CEP128: variants seen among roughly 807,000 people sequenced by gnomAD.
The protein encoded by CEP128 is centrosomal protein 128.
CEP128 carries 132 observed loss-of-function variants against 156.7 expected under a neutral mutation model. The ratio of observed to expected loss-of-function variants is 0.84; its 90% CI spans 0.73 to 0.97. CEP128 has a LOEUF of 0.97. CEP128 is among the 50% of genes least tolerant of loss of function. The pLI, the probability that CEP128 is intolerant of heterozygous loss-of-function variation, is 0.00. For missense variants in CEP128, 1,252 were observed against 1,281.9 expected, an observed-to-expected ratio of 0.98 and a Z score of 0.36; for synonymous variants, 469 against 448.9, an observed-to-expected ratio of 1.04 and a Z score of -0.57.
At position 80,611,546 on chromosome 14, in the gene CEP128, G is replaced by T. The variant is rs184559177; in HGVS notation, c.2807-31123C>A. Among the ~76,000 whole-genome samples the T allele has an allele frequency of 1.2e-3, 185 of 152,174 alleles. 4 individuals are homozygous for T. The Middle Eastern group carries it at 0.024, about 20-fold the overall frequency. ...TATTTGAAAGTAAAAGAGATGAAAA[G>T]GATAGGAGGGAACTCTAGAGAGTAT... On this transcript the variant is annotated intron_variant, in intron 19 of 24. Transcript: ENST00000555265.
chr14:80,655,891 GTTTGT>G (rs898233649), intron 19 of CEP128, among the ~76,000 whole-genome samples: 3 of 151,966 alleles, frequency 2.0e-5, no homozygotes, highest in East Asian at 1.9e-4. Flanking sequence ...TCCTTTTTTT[GTTTGT>G]TTTGTTTTGT....
rs186188127 is a variant in CEP128, at chr14:80,512,268, A to G, written c.3073-7248T>C. Among the ~76,000 whole-genome samples the G allele has an allele frequency of 6.6e-5, 10 of 152,080 alleles. No homozygotes were observed. The East Asian group carries it at 1.7e-3, about 26-fold the overall frequency. ...CTGGGTAATCCAGTGTTGGGTGCAT[A>G]TATTTTTACAATTGTTATATCCTCT... On this transcript the variant is annotated intron_variant, in intron 23 of 24. Coordinates refer to ENST00000555265, the MANE Select transcript of CEP128 (RefSeq NM_152446.5).
chr14:80,511,178 G>T (rs1482982600), intron 23 of CEP128, among the ~76,000 whole-genome samples: 16 of 151,702 alleles, frequency 1.1e-4, no homozygotes, highest in Admixed American at 1.1e-3. Context: ...GGTTGAGTAA[G>T]ATTGGTATTA....
chr14:80,539,186 A>T (rs1178051849), intron 21 of CEP128, among the ~76,000 whole-genome samples: 1 of 152,210 alleles, frequency 6.6e-6, no homozygotes, highest in Non-Finnish European at 1.5e-5. Context: ...AGAAACTAAC[A>T]TGTTCATAAA....
At chr14:80,670,639 G>A (rs1313562106) in intron 19 of CEP128, among the ~76,000 whole-genome samples, 1 of 152,034 alleles carries the variant, frequency 6.6e-6, no homozygotes, top group Admixed American at 6.6e-5. Context: ...ATAGTGTGAG[G>A]GGGGTGAGAG....
intron 6 of CEP128, among the ~76,000 whole-genome samples, chr14:80,901,054 A>C (rs1000192997): frequency 2.6e-5 from 4 of 151,950 alleles, no homozygotes; most frequent in Non-Finnish European, 4.4e-5. Flanking sequence ...AAAATACAAA[A>C]AATTAGCCGG....
At chr14:80,652,525 G>T (rs1894952167) in intron 19 of CEP128, among the ~76,000 whole-genome samples, 1 of 152,030 alleles carries the variant, frequency 6.6e-6, no homozygotes, top group Non-Finnish European at 1.5e-5. Flanking sequence ...CAAAAAGTGG[G>T]CAAAGGATAT....
chr14:80,880,196 A>T (rs1320237735), intron 8 of CEP128, among the ~76,000 whole-genome samples: 1 of 152,196 alleles, frequency 6.6e-6, no homozygotes, highest in Non-Finnish European at 1.5e-5. Flanking sequence ...GATGTCATAC[A>T]TCATATTAAC....
At chr14:80,846,525 G>C (rs1886609936) in intron 9 of CEP128, among the ~76,000 whole-genome samples, 1 of 152,086 alleles carries the variant, frequency 6.6e-6, no homozygotes, top group African/African-American at 2.4e-5. Flanking sequence ...TAAGCAAATT[G>C]ATCAACCCCG....
intron 13 of CEP128, among the ~76,000 whole-genome samples, chr14:80,825,048 G>A (rs1271026986): frequency 1.3e-5 from 2 of 152,232 alleles, no homozygotes; most frequent in African/African-American, 4.8e-5. Context: ...AGAGAAGAGA[G>A]CTTGTGCAGG....
At chr14:80,823,554 C>T (rs1885305208) in intron 13 of CEP128, among the ~76,000 whole-genome samples, 1 of 151,858 alleles carries the variant, frequency 6.6e-6, no homozygotes, top group Admixed American at 6.6e-5. Context: ...CCTGAAATAC[C>T]ATGATTGTTT....
chr14:80,874,497 G>A (rs1888183935), intron 8 of CEP128, among the ~76,000 whole-genome samples: 1 of 151,736 alleles, frequency 6.6e-6, no homozygotes, highest in Admixed American at 6.6e-5. Flanking sequence ...AAAGGAAAGA[G>A]CAAACATAGT....
intron 6 of CEP128, among the ~76,000 whole-genome samples, chr14:80,900,812 A>T (rs1273612617): frequency 6.8e-6 from 1 of 146,948 alleles, no homozygotes; most frequent in East Asian, 1.9e-4. Context: ...GGTAGTAAAA[A>T]TTAAAAAAGT....
chr14:80,946,656 A>G (rs964170665), upstream of CEP128, among the ~76,000 whole-genome samples: 2 of 152,208 alleles, frequency 1.3e-5, no homozygotes, highest in South Asian at 2.1e-4. Context: ...GAATGAATAA[A>G]TGTAGAGAAG....
intron 19 of CEP128, among the ~76,000 whole-genome samples, chr14:80,740,500 A>AGATAGATAGAT (rs1421591239): frequency 0.017 from 1,480 of 87,892 alleles, 24 homozygotes; most frequent in African/African-American, 0.057. Context: ...ATATCTAGAT[A>AGATAGATAGAT]GATAGATAGA....
At chr14:80,579,284 A>ATAG (rs1211065178) in intron 20 of CEP128, among the ~76,000 whole-genome samples, 2 of 152,094 alleles carry the variant, frequency 1.3e-5, no homozygotes, top group African/African-American at 4.8e-5. Context: ...CAGGTCAAGT[A>ATAG]TACACTTGAG....
chr14:80,916,666 T>C lies in CEP128; in HGVS notation c.-15-104A>G, dbSNP rs1884582539. On this transcript the variant is annotated intron_variant, in intron 2 of 24. Coordinates refer to ENST00000555265, the MANE Select transcript of CEP128 (RefSeq NM_152446.5). ...TGATCTCTTTTCTATGTTTAATACA[T>C]TAGTAATTTTGCACACTGTAATTTC... The C allele has an allele frequency of 4.5e-6, 4 of 885,696 alleles. No individual in the cohort carries two copies. In the Admixed American group the frequency reaches 1.2e-4, roughly 26 times the overall value. The allele number at this position is 885,696 out of a possible 1,614,324, so 54.9% of individuals were successfully genotyped here. A position where few individuals can be genotyped will look rare whatever the true frequency, so the allele number is the denominator to read the frequency against.
chr14:80,744,818 G>A (rs955391505), intron 18 of CEP128, among the ~76,000 whole-genome samples: 1 of 152,116 alleles, frequency 6.6e-6, no homozygotes, highest in Non-Finnish European at 1.5e-5. Context: ...AGAATCCCTT[G>A]CTCCCCCAAT....
chr14:80,861,195 G>A (rs548625882), intron 9 of CEP128, among the ~76,000 whole-genome samples: 26 of 151,982 alleles, frequency 1.7e-4, no homozygotes, highest in African/African-American at 6.3e-4. Context: ...TGTTTCATAT[G>A]AGTCAATAAT....
Sources: allele counts gnomAD v4.1 joint callset (sites outside exome capture counted in the v4.1 genomes callset), GRCh38; gene constraint gnomAD v4.1.1; transcripts MANE v1.5; gene names NCBI Gene and HGNC (gene_info 2026-07-23, HGNC 2026-07-21).